Variants in TRAPPC12 observed in about 807,000 individuals in gnomAD.
The protein encoded by TRAPPC12 is trafficking protein particle complex subunit 12, also known as TPR repeat protein 15.
In TRAPPC12, 61 loss-of-function variants were observed where a neutral mutation model predicts 69.2. The ratio of observed to expected loss-of-function variants is 0.88; its 90% CI spans 0.72 to 1.09. The LOEUF (loss-of-function observed/expected upper bound fraction) is 1.09, where lower values mean the gene tolerates loss of function less well. Ranked by LOEUF, TRAPPC12 falls within the 50% of genes least tolerant of loss-of-function variation. TRAPPC12 has a pLI of 0.00. For missense variants in TRAPPC12, 1,101 were observed against 1,016.4 expected (o/e 1.08, Z -1.13); for synonymous variants, 469 against 438.9 (o/e 1.07, Z -0.86).
chr2:3,391,139 T>C (rs1316827932), intron 2 of TRAPPC12, among the ~76,000 whole-genome samples: 2 of 152,186 alleles, frequency 1.3e-5, no homozygotes, highest in Non-Finnish European at 2.9e-5. Flanking sequence ...TGCAACCAAA[T>C]TGTGGGACAG....
At chr2:3,430,627 T>TA (rs1663374036) in intron 5 of TRAPPC12, among the ~76,000 whole-genome samples, 1 of 152,266 alleles carries the variant, frequency 6.6e-6, no homozygotes, top group African/African-American at 2.4e-5. Flanking sequence ...TTCTGGGAAA[T>TA]ACTATTTTCA....
intron 2 of TRAPPC12, among the ~76,000 whole-genome samples, chr2:3,393,806 G>A (rs75950817): frequency 0.03 from 4,519 of 152,186 alleles, 97 homozygotes; most frequent in Non-Finnish European, 0.045. Flanking sequence ...ACATATCCCT[G>A]ATCAGTATGT....
chr2:3,479,133 C>T, intron 11 of TRAPPC12, 86 bp from the exon 12 acceptor site: 6 of 1,561,872 alleles, frequency 3.8e-6, no homozygotes, highest in Non-Finnish European at 5.2e-6. Flanking sequence ...CCCCCAGGCC[C>T]CTAACACGGC....
chr2:3,463,906 G>T (rs968474081), intron 8 of TRAPPC12, among the ~76,000 whole-genome samples: 2 of 152,122 alleles, frequency 1.3e-5, no homozygotes, highest in South Asian at 2.1e-4. Context: ...AGAAGCCTAG[G>T]GGGGCAGCTG....
Position 3,388,167 on chromosome 2 carries a change from T to TCGCC in TRAPPC12, c.546_549dup (p.Ser184AlafsTer109). On this transcript the variant is annotated frameshift_variant, in exon 2 of 12. Transcript: ENST00000324266. LOFTEE classifies it high-confidence loss of function. ...CGGCTTCGAGCCGCAGATGGTGAAG[T>TCGCC]CGCCCAGCTTCGGTGGCGCCAGCGA... The TCGCC allele has an allele frequency of 6.2e-7, 1 of 1,607,606 alleles. No homozygotes were observed. The highest frequency in any genetic ancestry group is 8.5e-7 in the Non-Finnish European group (1 of 1,177,364).
intron 1 of TRAPPC12, among the ~76,000 whole-genome samples, chr2:3,380,675 A>T (rs926011590): frequency 4.9e-4 from 75 of 152,362 alleles, no homozygotes; most frequent in African/African-American, 1.7e-3. Context: ...ACAGGGGAAA[A>T]GCAAATGAAA....
intron 2 of TRAPPC12, among the ~76,000 whole-genome samples, 190 bp from the exon 3 acceptor site, chr2:3,401,587 A>G (rs1028296805): frequency 1.3e-5 from 2 of 152,248 alleles, no homozygotes; most frequent in Admixed American, 6.5e-5. Context: ...CAATTCTAAA[A>G]TTATGCATTT....
intron 10 of TRAPPC12, among the ~76,000 whole-genome samples, chr2:3,478,426 A>G (rs531575514): frequency 2.6e-5 from 4 of 152,268 alleles, no homozygotes; most frequent in African/African-American, 9.6e-5. Flanking sequence ...TGAGGTCAGG[A>G]GTTTGAGGCC....
chr2:3,468,453 GTCA>G (rs1031565652), intron 9 of TRAPPC12, among the ~76,000 whole-genome samples: 11 of 152,176 alleles, frequency 7.2e-5, no homozygotes, highest in Admixed American at 2.6e-4. Flanking sequence ...GCCGTGAGCA[GTCA>G]TCATCGTCGT....
At chr2:3,410,922 C>T (rs1010311101) in intron 3 of TRAPPC12, among the ~76,000 whole-genome samples, 8 of 152,118 alleles carry the variant, frequency 5.3e-5, no homozygotes, top group African/African-American at 1.9e-4. Flanking sequence ...CCCAGCTACT[C>T]GGGAGGCTGA....
intron 9 of TRAPPC12, among the ~76,000 whole-genome samples, chr2:3,469,518 C>T (rs1665970651): frequency 6.6e-6 from 1 of 152,188 alleles, no homozygotes; most frequent in African/African-American, 2.4e-5. Context: ...CATGAGGGCC[C>T]AGAGACAGGC....
Position 3,449,884 on chromosome 2 carries a change from AGAAAG to A in TRAPPC12, c.1530+6000_1530+6004del, listed in dbSNP as rs1407845285. ...TGGGAATGACTGGCAGGTGGGGAGA[AGAAAG>A]GAAAGGCCGAGTGAGGATGGCCATC... On this transcript the variant is annotated intron_variant, in intron 6 of 11. Transcript: ENST00000324266. Among the ~76,000 whole-genome samples the A allele has an allele frequency of 4.6e-5, 7 of 152,298 alleles. No individual in the cohort carries two copies. The South Asian group carries it at 1.5e-3, about 32-fold the overall frequency.
chr2:3,453,266 AC>A (rs1006868101), intron 6 of TRAPPC12, among the ~76,000 whole-genome samples: 7 of 152,134 alleles, frequency 4.6e-5, no homozygotes, highest in African/African-American at 1.7e-4. Flanking sequence ...GCTAAGCACC[AC>A]CCACACTGCC....
intron 4 of TRAPPC12, among the ~76,000 whole-genome samples, chr2:3,422,721 T>A (rs900563250): frequency 6.6e-6 from 1 of 152,168 alleles, no homozygotes; most frequent in African/African-American, 2.4e-5. Flanking sequence ...GAAGAGCCGC[T>A]CTAGCTTTAA....
In TRAPPC12 at chr2:3,388,325, C is replaced by G. The variant is rs759695269; in HGVS notation, c.702C>G (p.Ser234=). Residue 234 remains serine, a synonymous_variant, in exon 2 of 12, where the codon TCC becomes TCG. Transcript: ENST00000324266. The part of the protein sequence containing the change: ...FDSFTTSAFI[S]VSNPGAGSPA... ...CCTTTACTACCTCCGCCTTCATTTC[C>G]GTCAGCAATCCCGGCGCGGGCTCCC... The G allele has an allele frequency of 6.2e-7, 1 of 1,602,922 alleles. No homozygotes were observed. The highest frequency in any genetic ancestry group is 8.5e-7 in the Non-Finnish European group (1 of 1,175,132).
At chr2:3,408,967 G>C (rs1318151288) in intron 3 of TRAPPC12, among the ~76,000 whole-genome samples, 1 of 152,218 alleles carries the variant, frequency 6.6e-6, no homozygotes, top group African/African-American at 2.4e-5. Flanking sequence ...GCCCGCTGCG[G>C]CACAGAGCTA....
intron 2 of TRAPPC12, among the ~76,000 whole-genome samples, chr2:3,396,790 ATCATTTTTCTTT>A (rs1661158714): frequency 6.6e-6 from 1 of 151,880 alleles, no homozygotes; most frequent in African/African-American, 2.4e-5. Flanking sequence ...TCTTTTTCGT[ATCATTTTTCTTT>A]TATCATTTTC....
At chr2:3,403,649 T>C (rs1661576806) in intron 3 of TRAPPC12, among the ~76,000 whole-genome samples, 1 of 152,236 alleles carries the variant, frequency 6.6e-6, no homozygotes, top group Non-Finnish European at 1.5e-5. Flanking sequence ...GGTTAGCCTG[T>C]GAACTAAAAC....
At chr2:3,447,142 C>T (rs1244809349) in intron 6 of TRAPPC12, among the ~76,000 whole-genome samples, 1 of 151,954 alleles carries the variant, frequency 6.6e-6, no homozygotes, top group Non-Finnish European at 1.5e-5. Flanking sequence ...GTTCTGTCAC[C>T]CAGGCTGGAG....
Sources: gnomAD v4.1 joint callset for allele counts (sites outside exome capture counted in the v4.1 genomes callset) on GRCh38, gnomAD v4.1.1 for gene constraint, MANE v1.5 for transcripts, NCBI Gene and HGNC (gene_info 2026-07-23, HGNC 2026-07-21) for gene names.